LPIN1: variants seen among roughly 807,000 people sequenced by gnomAD.
The protein encoded by LPIN1 is lipin 1.
A neutral mutation model predicts 107.5 loss-of-function variants in LPIN1; 71 were observed. The observed-to-expected ratio is 0.66, with a 90% CI of 0.55 to 0.80. The LOEUF is 0.80. Ranked by LOEUF, LPIN1 falls within the 30% of genes least tolerant of loss-of-function variation. The pLI is 0.00. For synonymous variants in LPIN1, 445 were observed against 452.6 expected (o/e 0.98, Z 0.21); for missense variants, 1,043 against 1,160.6 (o/e 0.90, Z 1.47).
At chr2:11,712,967 C>T (rs772420111) in intron 1 of LPIN1, among the ~76,000 whole-genome samples, 16 of 152,300 alleles carry the variant, frequency 1.1e-4, no homozygotes, top group Non-Finnish European at 1.9e-4. Flanking sequence ...AATGAGCTCA[C>T]TTAATGCTCA....
upstream of LPIN1, among the ~76,000 whole-genome samples, chr2:11,741,703 C>T (rs1666381696): frequency 6.6e-6 from 1 of 152,080 alleles, no homozygotes; most frequent in Non-Finnish European, 1.5e-5. Flanking sequence ...CCCAGCTAGT[C>T]AGGAGGCTGA....
At chr2:11,681,733 C>A (rs925967713) in intron 1 of LPIN1, among the ~76,000 whole-genome samples, 2 of 152,138 alleles carry the variant, frequency 1.3e-5, no homozygotes, top group African/African-American at 4.8e-5. Flanking sequence ...CATTCAGGAC[C>A]CTGGACCCAT....
At chr2:11,780,726 T>G (rs921146125) in intron 7 of LPIN1, among the ~76,000 whole-genome samples, 1 of 152,220 alleles carries the variant, frequency 6.6e-6, no homozygotes, top group African/African-American at 2.4e-5. Flanking sequence ...TCCCTGAACC[T>G]CAGTGTCTTC....
intron 1 of LPIN1, among the ~76,000 whole-genome samples, chr2:11,690,741 A>G (rs1043646970): frequency 2.0e-5 from 3 of 152,136 alleles, no homozygotes; most frequent in Non-Finnish European, 4.4e-5. Flanking sequence ...TTTATCTACT[A>G]TATTGATATT....
At chr2:11,746,017 G>A (rs1666864524), upstream of LPIN1, 1 of 152,298 alleles carries the variant, frequency 6.6e-6, no homozygotes, top group Admixed American at 6.5e-5. Context: ...GAGGCGCAGG[G>A]AGCTGCCTGT....
At chr2:11,781,732 A>G (rs1216628981) in intron 7 of LPIN1, among the ~76,000 whole-genome samples, 1 of 152,188 alleles carries the variant, frequency 6.6e-6, no homozygotes, top group Non-Finnish European at 1.5e-5. Flanking sequence ...ACCGAGAAGC[A>G]GAGCATGACC....
chr2:11,698,435 A>G (rs1289103258), intron 1 of LPIN1, among the ~76,000 whole-genome samples: 1 of 152,230 alleles, frequency 6.6e-6, no homozygotes, highest in South Asian at 2.1e-4. Flanking sequence ...AACAGCACAC[A>G]GTAGCAGGGA....
At chr2:11,756,692 C>G (rs893607973) in intron 1 of LPIN1, among the ~76,000 whole-genome samples, 1 of 152,154 alleles carries the variant, frequency 6.6e-6, no homozygotes, top group African/African-American at 2.4e-5. Context: ...TGCCCGGCCC[C>G]TATATTTATT....
intron 1 of LPIN1, among the ~76,000 whole-genome samples, chr2:11,736,596 T>C (rs1665815353): frequency 6.6e-6 from 1 of 152,256 alleles, no homozygotes; most frequent in Non-Finnish European, 1.5e-5. Flanking sequence ...CAATAGCAGA[T>C]GCATTTCTCA....
intron 1 of LPIN1, among the ~76,000 whole-genome samples, chr2:11,712,265 G>A (rs572081953): frequency 8.9e-4 from 135 of 152,286 alleles, no homozygotes; most frequent in Non-Finnish European, 1.5e-3. Flanking sequence ...TGCCTGGAGC[G>A]GCCTTTCTTG....
At chr2:11,680,797 A>G (rs1572288297) in intron 1 of LPIN1, among the ~76,000 whole-genome samples, 1 of 151,968 alleles carries the variant, frequency 6.6e-6, no homozygotes, top group Admixed American at 6.5e-5. Context: ...TTGGTCAGGC[A>G]CCCTGCCTAT....
At chr2:11,768,891 G>A (rs961017974) in intron 3 of LPIN1, among the ~76,000 whole-genome samples, 8 of 152,166 alleles carry the variant, frequency 5.3e-5, no homozygotes, top group African/African-American at 1.4e-4. Context: ...AGCCGAGATC[G>A]CGCCACTGCA....
chr2:11,730,603 T>G (rs1332401013), intron 1 of LPIN1, among the ~76,000 whole-genome samples: 4 of 152,208 alleles, frequency 2.6e-5, no homozygotes, highest in Non-Finnish European at 5.9e-5. Flanking sequence ...TGTGTAGAAC[T>G]GTAGAAATGA....
At chr2:11,679,808 G>A (rs948927071) in intron 1 of LPIN1, among the ~76,000 whole-genome samples, 2 of 152,362 alleles carry the variant, frequency 1.3e-5, no homozygotes, top group East Asian at 3.9e-4. Flanking sequence ...TGGGGGCCGG[G>A]GGAGTCTGGC....
chr2:11,700,459 T>G (rs373705639), intron 1 of LPIN1, among the ~76,000 whole-genome samples: 4 of 151,354 alleles, frequency 2.6e-5, no homozygotes, highest in African/African-American at 9.7e-5. Flanking sequence ...ATTTTCTCTC[T>G]CTCTCTCAGC....
rs531943696 is a variant in LPIN1 at position 11,758,040 on chromosome 2, G to T, written c.-9-7493G>T. ...TACAGCATTTGTCCTTTTGTGACTGGCCTATTTCATTTAGCCTACTGTCCT... is the reference window on the plus strand; with the variant it reads ...TACAGCATTTGTCCTTTTGTGACTGTCCTATTTCATTTAGCCTACTGTCCT... On this transcript the variant is annotated intron_variant, in intron 1 of 20. Transcript: ENST00000674199. Among the ~76,000 whole-genome samples, 7 of 152,236 alleles carry T rather than the reference G, an allele frequency of 4.6e-5. No individual in the cohort carries two copies. In the East Asian group the frequency reaches 1.3e-3, roughly 29 times the overall value.
chr2:11,815,859 C>T (rs1680491974), intron 18 of LPIN1, among the ~76,000 whole-genome samples: 1 of 152,116 alleles, frequency 6.6e-6, no homozygotes, highest in African/African-American at 2.4e-5. Context: ...GGTAGCTAAG[C>T]CAGACTAACT....
chr2:11,751,209 G>C (rs2148578578), intron 1 of LPIN1, among the ~76,000 whole-genome samples: 1 of 152,274 alleles, frequency 6.6e-6, no homozygotes, highest in South Asian at 2.1e-4. Flanking sequence ...TGGAGGAGCT[G>C]AGTGATCACT....
At chr2:11,770,978 C>T (rs959003026) in intron 3 of LPIN1, among the ~76,000 whole-genome samples, 6 of 149,192 alleles carry the variant, frequency 4.0e-5, no homozygotes, top group African/African-American at 1.2e-4. Flanking sequence ...CATGCACACC[C>T]ACATCTACAC....
Sources: gnomAD v4.1 joint callset for allele counts (sites outside exome capture counted in the v4.1 genomes callset) on GRCh38, gnomAD v4.1.1 for gene constraint, MANE v1.5 for transcripts, NCBI Gene and HGNC (gene_info 2026-07-23, HGNC 2026-07-21) for gene names.